The following CNKSR2 variants were observed in gnomAD, a reference collection of about 807,000 sequenced individuals.
The protein encoded by CNKSR2 is CNK homolog protein 2.
CNKSR2 carries 14 observed loss-of-function variants against 84.4 expected under a neutral mutation model. That is an observed-to-expected ratio of 0.17 (90% CI 0.11 to 0.26). The LOEUF (loss-of-function observed/expected upper bound fraction) is 0.26, where lower values mean the gene tolerates loss of function less well. CNKSR2 is among the 10% of genes least tolerant of loss of function. CNKSR2 has a pLI of 1.00. For synonymous variants in CNKSR2, 275 were observed against 277.9 expected (o/e 0.99, Z 0.10); for missense variants, 485 against 771.2 (o/e 0.63, Z 4.40).
chrX:21,399,747 A>C (rs1466710212), intron 1 of CNKSR2, among the ~76,000 whole-genome samples: 3 of 111,593 alleles, frequency 2.7e-5, no homozygotes, highest in South Asian at 7.5e-4. Flanking sequence ...TGTATAACTA[A>C]CTACCACCAG....
chrX:21,448,307 A>G (rs2090881425), intron 4 of CNKSR2, among the ~76,000 whole-genome samples: 1 of 111,581 alleles, frequency 9.0e-6, no homozygotes, highest in Admixed American at 9.6e-5. Flanking sequence ...TACATATCCA[A>G]AAGGATTAGG....
chrX:21,624,166 A>G (rs915331421), intron 20 of CNKSR2, among the ~76,000 whole-genome samples: 2 of 112,186 alleles, frequency 1.8e-5, no homozygotes, highest in African/African-American at 3.2e-5. Context: ...ATGCAGAGAT[A>G]TTCTATTTTA....
chrX:21,642,783 A>G (rs1370365847), intron 20 of CNKSR2: 3 of 715,693 alleles, frequency 4.2e-6, no homozygotes, highest in South Asian at 7.2e-5. Context: ...GATAGTAAAT[A>G]TCTTTCTAAA....
At chrX:21,641,545 C>T (rs2092691583) in intron 20 of CNKSR2, 1 of 1,176,401 alleles carries the variant, frequency 8.5e-7, no homozygotes, top group Non-Finnish European at 1.1e-6. Flanking sequence ...TAATACACTG[C>T]GAGAGTTGGT....
At chrX:21,438,832 AAAC>A (rs2090745317) in intron 3 of CNKSR2, among the ~76,000 whole-genome samples, 1 of 111,612 alleles carries the variant, frequency 9.0e-6, no homozygotes, top group Admixed American at 9.6e-5. Context: ...TATTGATAAA[AAAC>A]AAAGCCCACC....
intron 1 of CNKSR2, among the ~76,000 whole-genome samples, chrX:21,412,125 A>G (rs1692334857): frequency 8.9e-6 from 1 of 111,785 alleles, no homozygotes; most frequent in Non-Finnish European, 1.9e-5. Flanking sequence ...TAAAAATATC[A>G]GGAGCATTAG....
At chrX:21,428,420 C>T (rs2090592571) in intron 2 of CNKSR2, 1 of 111,735 alleles carries the variant, frequency 8.9e-6, no homozygotes, top group Non-Finnish European at 1.9e-5. Flanking sequence ...TTTATGGCAG[C>T]TGATGAGAAT....
chrX:21,557,262 A>G (rs961215126), intron 11 of CNKSR2, among the ~76,000 whole-genome samples: 18 of 111,308 alleles, frequency 1.6e-4, no homozygotes, highest in Admixed American at 4.8e-4. Flanking sequence ...AGGATATATC[A>G]TTATACAGCA....
intron 11 of CNKSR2, among the ~76,000 whole-genome samples, chrX:21,537,389 T>C (rs1157089418): frequency 1.8e-5 from 2 of 111,435 alleles, no homozygotes; most frequent in Non-Finnish European, 3.8e-5. Context: ...ATTTAGTCTA[T>C]AGTGCAGTTT....
intron 4 of CNKSR2, among the ~76,000 whole-genome samples, chrX:21,449,333 A>G (rs1267961706): frequency 1.8e-5 from 2 of 108,384 alleles, no homozygotes; most frequent in African/African-American, 6.7e-5. Context: ...GCCAGATTGG[A>G]AAAGACTAGA....
intron 11 of CNKSR2, among the ~76,000 whole-genome samples, chrX:21,557,052 A>G (rs1229211255): frequency 1.8e-5 from 2 of 110,084 alleles, no homozygotes; most frequent in African/African-American, 6.6e-5. Flanking sequence ...ATACAGTATA[A>G]TAAGTATTGT....
intron 5 of CNKSR2, among the ~76,000 whole-genome samples, chrX:21,484,773 C>CT (rs1302510885): frequency 1.8e-5 from 2 of 111,958 alleles, no homozygotes; most frequent in Non-Finnish European, 3.8e-5. Context: ...AATAAAAATA[C>CT]TTTAAGTAGC....
At chrX:21,495,732 G>A (rs897900117) in intron 6 of CNKSR2, 5 of 84,237 alleles carry the variant, frequency 5.9e-5, no homozygotes, top group East Asian at 8.3e-4. Flanking sequence ...GCAGTGAGCC[G>A]AGATTCTGCC....
At chrX:21,613,012 C>A (rs751950767) in intron 20 of CNKSR2, among the ~76,000 whole-genome samples, 2 of 112,160 alleles carry the variant, frequency 1.8e-5, no homozygotes, top group Admixed American at 9.5e-5. Context: ...AGTCAGCTTG[C>A]ATATTAATTG....
intron 2 of CNKSR2, 40 bp from the exon 3 acceptor site, chrX:21,432,572 A>G: frequency 1.1e-6 from 1 of 947,150 alleles, no homozygotes; most frequent in Non-Finnish European, 1.5e-6. Flanking sequence ...AATGAATAAA[A>G]CTGACTTTAA....
At chrX:21,406,647 C>A (rs1395535489) in intron 1 of CNKSR2, among the ~76,000 whole-genome samples, 1 of 111,094 alleles carries the variant, frequency 9.0e-6, no homozygotes, top group Non-Finnish European at 1.9e-5. Flanking sequence ...GAGATATGAC[C>A]ACTGGACCAC....
chrX:21,394,860 TA>T (rs2090100237), intron 1 of CNKSR2, among the ~76,000 whole-genome samples: 1 of 111,806 alleles, frequency 8.9e-6, no homozygotes, highest in Non-Finnish European at 1.9e-5. Context: ...GAGCTCCATT[TA>T]AGTGACAGAA....
At chrX:21,388,885 C>T (rs774318424) in intron 1 of CNKSR2, among the ~76,000 whole-genome samples, 6 of 110,464 alleles carry the variant, frequency 5.4e-5, no homozygotes, top group African/African-American at 2.0e-4. Flanking sequence ...AGAAACCTGG[C>T]AGTTGCTACC....
chrX:21,408,586 C>T (rs986128480), intron 1 of CNKSR2, among the ~76,000 whole-genome samples: 1 of 110,941 alleles, frequency 9.0e-6, no homozygotes, highest in Non-Finnish European at 1.9e-5. Context: ...CCTTATCTAA[C>T]CTCCCCCAAC....
Sources: gnomAD v4.1 joint callset for allele counts (sites outside exome capture counted in the v4.1 genomes callset) on GRCh38, gnomAD v4.1.1 for gene constraint, MANE v1.5 for transcripts, NCBI Gene and HGNC (gene_info 2026-07-23, HGNC 2026-07-21) for gene names.